FRMD4A: variants seen among roughly 807,000 people sequenced by gnomAD.
FRMD4A encodes the protein FERM domain-containing protein 4A.
In FRMD4A, 29 loss-of-function variants were observed where a neutral mutation model predicts 129.1. The observed-to-expected ratio is 0.22, with a 90% CI of 0.17 to 0.31. The LOEUF (loss-of-function observed/expected upper bound fraction) is 0.31. Among genes scored for constraint, FRMD4A ranks in the 10% least tolerant of loss-of-function variants. FRMD4A has a pLI of 1.00. For missense variants in FRMD4A, 1,272 were observed against 1,375.8 expected (o/e 0.92, Z 1.19); for synonymous variants, 634 against 571.6 (o/e 1.11, Z -1.56).
chr10:13,761,920 C>A (rs2092090289), intron 7 of FRMD4A, among the ~76,000 whole-genome samples: 2 of 152,212 alleles, frequency 1.3e-5, no homozygotes, highest in African/African-American at 4.8e-5. Flanking sequence ...AAATGCACAT[C>A]TCCACCTCTA....
At chr10:13,978,907 C>T (rs956026566) in intron 2 of FRMD4A, among the ~76,000 whole-genome samples, 18 of 152,258 alleles carry the variant, frequency 1.2e-4, no homozygotes, top group Admixed American at 3.3e-4. Flanking sequence ...AAATATTCCC[C>T]TCAAGCTCCA....
intron 3 of FRMD4A, among the ~76,000 whole-genome samples, chr10:13,837,450 T>C (rs973632570): frequency 2.0e-5 from 3 of 152,212 alleles, no homozygotes; most frequent in African/African-American, 7.2e-5. Context: ...CCAAGATTCC[T>C]GACCTTGTTT....
At chr10:14,096,694 C>A (rs966436561) in intron 2 of FRMD4A, among the ~76,000 whole-genome samples, 1 of 152,196 alleles carries the variant, frequency 6.6e-6, no homozygotes, top group African/African-American at 2.4e-5. Flanking sequence ...GTGGGCAGAT[C>A]TGAACTCTGC....
intron 16 of FRMD4A, among the ~76,000 whole-genome samples, chr10:13,672,540 G>A (rs2134722019): frequency 6.6e-6 from 1 of 152,176 alleles, no homozygotes; most frequent in South Asian, 2.1e-4. Flanking sequence ...TAAAAAATGA[G>A]GCTACTGATT....
chr10:13,939,493 A>G (rs2095274430), intron 2 of FRMD4A, among the ~76,000 whole-genome samples: 1 of 152,224 alleles, frequency 6.6e-6, no homozygotes, highest in African/African-American at 2.4e-5. Flanking sequence ...CTGATTGGCT[A>G]GTTCCTGGCT....
intron 2 of FRMD4A, among the ~76,000 whole-genome samples, chr10:14,110,479 TC>T (rs1393236910): frequency 6.6e-6 from 1 of 152,172 alleles, no homozygotes; most frequent in Non-Finnish European, 1.5e-5. Context: ...GTAAGGCTAT[TC>T]TCTTTTATAA....
Position 13,666,090 on chromosome 10 carries a change from C to T in FRMD4A, c.1603+7G>A. ...AGTGGGGTGGGGGCAGCCCGGTTGG[C>T]ACTGACCGTCTATGATCAGCGAAGC... On this transcript the variant is annotated splice_region_variant and intron_variant, in intron 18 of 24. Coordinates refer to ENST00000357447, the MANE Select transcript of FRMD4A (RefSeq NM_018027.5). 6.4e-7 allele frequency: 1 copy of T among 1,571,460 alleles called. No individual in the cohort carries two copies. Among genetic ancestry groups the T allele is most frequent in the Non-Finnish European group, 8.8e-7 (1 of 1,141,216 alleles).
rs141184732 is a variant in FRMD4A at position 13,659,990 on chromosome 10, G to T, written c.1898+326C>A. Among the ~76,000 whole-genome samples the T allele has an allele frequency of 2.6e-3, 402 of 152,344 alleles. 4 individuals are homozygous for T. The highest frequency in any genetic ancestry group is 0.01 in the Middle Eastern group (3 of 294). The stretch of plus-strand genomic sequence containing the variant: ...TAGAGTTCTGAACCACTCTGCATTT[G>T]CTCCGAGTGGACTTTCACTTGCTAT... On this transcript the variant is annotated intron_variant, in intron 20 of 24. Coordinates refer to ENST00000357447, the MANE Select transcript of FRMD4A (RefSeq NM_018027.5).
intron 2 of FRMD4A, among the ~76,000 whole-genome samples, chr10:14,091,295 A>G (rs1393293699): frequency 3.3e-5 from 5 of 152,178 alleles, no homozygotes; most frequent in Non-Finnish European, 7.3e-5. Context: ...AAAAAAAGGC[A>G]AACAAATCCA....
intron 3 of FRMD4A, among the ~76,000 whole-genome samples, chr10:13,817,212 G>A (rs2093558729): frequency 6.6e-6 from 1 of 152,198 alleles, no homozygotes; most frequent in Non-Finnish European, 1.5e-5. Context: ...GCAAGGAAAG[G>A]AAAGCACTGG....
intron 4 of FRMD4A, among the ~76,000 whole-genome samples, chr10:13,802,842 G>A (rs975567708): frequency 6.6e-6 from 1 of 152,100 alleles, no homozygotes; most frequent in South Asian, 2.1e-4. Context: ...ATGGAAGAAT[G>A]TTGATATATT....
At chr10:13,822,235 C>A (rs926398419) in intron 3 of FRMD4A, among the ~76,000 whole-genome samples, 5 of 152,194 alleles carry the variant, frequency 3.3e-5, no homozygotes, top group African/African-American at 1.2e-4. Context: ...CCAAACTACT[C>A]TCAGCAATTT....
intron 15 of FRMD4A, among the ~76,000 whole-genome samples, chr10:13,679,519 C>G (rs886482833): frequency 9.6e-6 from 1 of 104,626 alleles, no homozygotes; most frequent in African/African-American, 3.7e-5. Context: ...ACAGTGTTCA[C>G]AAACGATGTT....
At chr10:13,783,963 G>A (rs1278420983) in intron 5 of FRMD4A, among the ~76,000 whole-genome samples, 4 of 152,110 alleles carry the variant, frequency 2.6e-5, no homozygotes, top group Non-Finnish European at 2.9e-5. Flanking sequence ...GAGATAATGC[G>A]CTTGTACTGT....
intron 4 of FRMD4A, among the ~76,000 whole-genome samples, chr10:13,801,098 C>T (rs10906491): frequency 0.25 from 37,769 of 151,958 alleles, 4,795 homozygotes; most frequent in South Asian, 0.33. Context: ...AATACAAAAA[C>T]TAGCCAGGTG....
intron 2 of FRMD4A, among the ~76,000 whole-genome samples, chr10:14,049,006 T>C (rs925319911): frequency 2.9e-4 from 44 of 152,052 alleles, no homozygotes; most frequent in African/African-American, 1.1e-3. Context: ...GCAGGATGCT[T>C]GGAAGGATTG....
At chr10:14,110,441 G>A (rs1837841322) in intron 2 of FRMD4A, among the ~76,000 whole-genome samples, 1 of 152,140 alleles carries the variant, frequency 6.6e-6, no homozygotes, top group South Asian at 2.1e-4. Context: ...CAGCAAACTT[G>A]AGAGATTTTA....
chr10:13,866,313 G>A (rs1244979800), intron 2 of FRMD4A: 1 of 975,272 alleles, frequency 1.0e-6, no homozygotes, highest in African/African-American at 1.8e-5. Flanking sequence ...AGGACACCCT[G>A]AGGATGTCGG....
intron 2 of FRMD4A, chr10:14,326,781 A>AAG: frequency 2.5e-6 from 1 of 398,526 alleles, no homozygotes; most frequent in Non-Finnish European, 4.4e-6. Context: ...ACACGTAGCC[A>AAG]AGAGCTTCCC....
Sources: allele counts gnomAD v4.1 joint callset (sites outside exome capture counted in the v4.1 genomes callset), GRCh38; gene constraint gnomAD v4.1.1; transcripts MANE v1.5; gene names NCBI Gene and HGNC (gene_info 2026-07-23, HGNC 2026-07-21).